Variants in GSDMB observed in about 807,000 individuals in gnomAD.
GSDMB encodes gasdermin-B.
Under a neutral mutation model 42.9 loss-of-function variants are expected in GSDMB, and 32 were observed. The ratio of observed to expected loss-of-function variants is 0.75; its 90% confidence interval spans 0.56 to 1.00. GSDMB has a LOEUF of 1.00. Among genes scored for constraint, GSDMB ranks in the 50% least tolerant of loss-of-function variants. The pLI, the probability that GSDMB is intolerant of heterozygous loss-of-function variation, is 0.00. For missense variants in GSDMB, 468 were observed against 498.5 expected, an observed-to-expected ratio of 0.94 and a Z score of 0.58; for synonymous variants, 175 against 193.7, an observed-to-expected ratio of 0.90 and a Z score of 0.80.
Position 39,908,945 on chromosome 17 carries a change from T to C in GSDMB, c.661+13A>G. The C allele has an allele frequency of 6.4e-7, 1 of 1,557,230 alleles. No individual in the cohort carries two copies. Among genetic ancestry groups the C allele is most frequent in the South Asian group, 1.1e-5 (1 of 88,648 alleles). ...AGGGCCCCCCATCCTGTTCTCCATCTGCCTTTGCTTACTCATCGTCTCCTT... is the reference window on the plus strand; with the variant it reads ...AGGGCCCCCCATCCTGTTCTCCATCCGCCTTTGCTTACTCATCGTCTCCTT... On this transcript the variant is annotated intron_variant, in intron 5 of 10. Transcript: ENST00000418519.
At chr17:39,908,932 C>G in intron 5 of GSDMB, 26 bp downstream of exon 5, 1 of 1,450,044 alleles carries the variant, frequency 6.9e-7, no homozygotes, top group Non-Finnish European at 9.7e-7. Context: ...GGCCCCCCAT[C>G]CTGTTCTCCA....
At position 39,906,147 on chromosome 17, in the gene GSDMB, G is replaced by C; in HGVS notation, c.852C>G (p.Leu284=). ...KDVLNSLAKC[L]GKEDIRQDLE... is the part of the protein sequence containing the mutation. ...GATCCTGCCGAATATCCTCCTTGCC[G>C]AGGCACTTAGCGAGGGAGTTTAGCA... is the stretch of plus-strand genomic sequence containing the variant. Residue 284 remains leucine, a synonymous_variant, in exon 8 of 11, where the codon CTC becomes CTG. Transcript: ENST00000418519. 1 of 1,614,060 alleles carries C rather than the reference G, an allele frequency of 6.2e-7. No homozygotes were observed. Among genetic ancestry groups the C allele is most frequent in the Non-Finnish European group, 8.5e-7 (1 of 1,179,978 alleles).
chr17:39,905,228 A>G (rs1003922728), intron 10 of GSDMB, 198 bp downstream of exon 10: 6 of 607,544 alleles, frequency 9.9e-6, no homozygotes, highest in African/African-American at 9.3e-5. Context: ...CACAGATAAA[A>G]AACAGAGCCT....
In GSDMB at chr17:39,918,522, A is replaced by C. The variant is rs904023841; in HGVS notation, c.-15+12T>G. ...ACCCGGGAACCACAGGCCCATCTCA[A>C]GTGGTACCCACCTCCTCTCTGACCT... On this transcript the variant is annotated intron_variant, in intron 1 of 10. Coordinates refer to ENST00000418519, the MANE Select transcript of GSDMB (RefSeq NM_001165958.2). 1.3e-5 allele frequency: 2 copies of C among 152,422 alleles called. No homozygotes were observed. The highest frequency in any genetic ancestry group is 6.5e-5 in the Admixed American group (1 of 15,272). 9.4% of individuals were successfully genotyped at this position (152,422 alleles called of 1,614,324 possible).
intron 9 of GSDMB, 21 bp from the exon 10 acceptor site, chr17:39,905,517 G>T: frequency 6.3e-7 from 1 of 1,586,480 alleles, no homozygotes; most frequent in Non-Finnish European, 8.6e-7. Flanking sequence ...AGAAAGAGTG[G>T]TAAAAAGGAG....
chr17:39,910,403 C>T lies in GSDMB; in HGVS notation c.408-479G>A, dbSNP rs186366320. Among the ~76,000 whole-genome samples the T allele has an allele frequency of 4.4e-3, 667 of 152,314 alleles. 4 individuals are homozygous for T. Among genetic ancestry groups the T allele is most frequent in the Non-Finnish European group, 5.7e-3 (386 of 68,026 alleles). ...ATTACAATGTGCCAGCTGTGAGCCA[C>T]GCTTTTCCACTTAACCTTCACAATC... On this transcript the variant is annotated intron_variant, in intron 3 of 10. Coordinates refer to ENST00000418519, the MANE Select transcript of GSDMB (RefSeq NM_001165958.2).
intron 2 of GSDMB, among the ~76,000 whole-genome samples, chr17:39,914,587 C>A (rs1006716216): frequency 5.3e-5 from 8 of 151,948 alleles, no homozygotes; most frequent in Admixed American, 1.3e-4. Context: ...CATGGTGAAA[C>A]CTTGTCTCTA....
intron 7 of GSDMB, chr17:39,906,629 C>T: frequency 7.7e-7 from 1 of 1,304,806 alleles, no homozygotes; most frequent in South Asian, 2.2e-5. Context: ...AGCAGTGGTT[C>T]TCAACCTTGA....
At chr17:39,916,541 C>T (rs77032925) in intron 2 of GSDMB, among the ~76,000 whole-genome samples, 4 of 151,900 alleles carry the variant, frequency 2.6e-5, no homozygotes, top group Non-Finnish European at 5.9e-5. Context: ...CCGCCCACCT[C>T]GGCCTCCCAA....
rs1270162211 is a variant in GSDMB, at chr17:39,917,582, T to TCCCCCCCC, written c.-14-253_-14-252insGGGGGGGG. 8.2e-6 allele frequency: 3 copies of TCCCCCCCC among 367,968 alleles called. No homozygotes were observed. In the African/African-American group the frequency reaches 1.4e-4, roughly 17 times the overall value. The allele number at this position is 367,968 out of a possible 1,614,324, so 22.8% of individuals were successfully genotyped here. A position where few individuals can be genotyped will look rare whatever the true frequency, so the allele number is the denominator to read the frequency against. On this transcript the variant is annotated intron_variant, in intron 1 of 10. Coordinates refer to ENST00000418519, the MANE Select transcript of GSDMB (RefSeq NM_001165958.2). ...TGCCCCACCCTGATACAATATAGTC[T>TCCCCCCCC]CCCCGCCGCCGCCCTTAAGAAGGTA...
intron 2 of GSDMB, among the ~76,000 whole-genome samples, chr17:39,914,564 C>A (rs1568105756): frequency 6.6e-6 from 1 of 151,992 alleles, no homozygotes; most frequent in East Asian, 1.9e-4. Flanking sequence ...GAGTTCAAGA[C>A]CAGCCTGGCC....
intron 2 of GSDMB, among the ~76,000 whole-genome samples, chr17:39,915,689 A>G (rs1008355018): frequency 2.6e-5 from 4 of 151,594 alleles, no homozygotes; most frequent in African/African-American, 9.7e-5. Context: ...TCTTTGAAAG[A>G]TGCGAATCTG....
In GSDMB at chr17:39,909,028, C is replaced by T. The variant is rs1314227628; in HGVS notation, c.591G>A (p.Val197=). 1 of 1,599,376 alleles carries T rather than the reference C, an allele frequency of 6.3e-7. No individual in the cohort carries two copies. Among genetic ancestry groups the T allele is most frequent in the Admixed American group, 1.7e-5 (1 of 57,668 alleles). ...TCAGGACCCGATTTGGGGGGATGGT[C>T]ACTTCCCTTTGGCCCTAGAAAAAGG... ...LSYKHKGQRE[V]TIPPNRVLSY... is the part of the protein sequence containing the mutation. Residue 197 remains valine (V), a synonymous_variant, in exon 5 of 11, where the codon GTG becomes GTA. Coordinates refer to ENST00000418519, the MANE Select transcript of GSDMB (RefSeq NM_001165958.2).
intron 7 of GSDMB, chr17:39,906,699 A>C: frequency 5.0e-6 from 6 of 1,210,022 alleles, no homozygotes; most frequent in East Asian, 2.9e-5. Flanking sequence ...ACACCCCCAC[A>C]ATTAAGTCAG....
intron 4 of GSDMB, chr17:39,909,407 G>A (rs1467192686): frequency 1.6e-5 from 6 of 371,278 alleles, no homozygotes; most frequent in Non-Finnish European, 1.5e-5. Context: ...AATGTACAAA[G>A]AAAATGAAGG....
chr17:39,916,390 C>A (rs1008811919), intron 2 of GSDMB, among the ~76,000 whole-genome samples: 1 of 146,824 alleles, frequency 6.8e-6, no homozygotes, highest in Admixed American at 7.0e-5. Flanking sequence ...TCAAGCAATT[C>A]TCTTGCCTCA....
In GSDMB at chr17:39,909,892, C is replaced by T. The variant is rs147293765; in HGVS notation, c.440G>A (p.Arg147Gln). The change falls in exon 4 of 11, where the codon CGA becomes CAA. Residue 147 changes from arginine (R) to glutamine (Q), a missense_variant. Physicochemically the swap from Arg to Gln is conservative, Grantham distance 43. Coordinates refer to ENST00000418519, the MANE Select transcript of GSDMB (RefSeq NM_001165958.2). The part of the protein sequence containing the change: ...KLKRELPFSF[R>Q]SINTRENLYL... ...CAGGTTTTCTCTCGTATTAATTGAT[C>T]GGAATGAAAAGGGTAGTTCCCTCTT... 57 of 1,613,564 alleles carry T rather than the reference C, an allele frequency of 3.5e-5. No individual in the cohort carries two copies. Among genetic ancestry groups the T allele is most frequent in the Admixed American group, 3.0e-4 (18 of 59,986 alleles).
chr17:39,909,326 C>A, intron 4 of GSDMB: 1 of 436,426 alleles, frequency 2.3e-6, no homozygotes, highest in East Asian at 4.6e-5. Flanking sequence ...GGCTCCTGTC[C>A]TCCTACCTCC....
chr17:39,915,683 T>G (rs565544714), intron 2 of GSDMB, among the ~76,000 whole-genome samples: 1 of 152,106 alleles, frequency 6.6e-6, no homozygotes, highest in African/African-American at 2.4e-5. Flanking sequence ...ACTCAGTCTT[T>G]GAAAGATGCG....
Sources: allele counts gnomAD v4.1 joint callset (sites outside exome capture counted in the v4.1 genomes callset), GRCh38; gene constraint gnomAD v4.1.1; transcripts MANE v1.5; gene names NCBI Gene and HGNC (gene_info 2026-07-23, HGNC 2026-07-21).